ADAMTSL2: variants seen among roughly 807,000 people sequenced by gnomAD.
The protein encoded by ADAMTSL2 is ADAMTS-like protein 2.
Under a neutral mutation model 117.0 loss-of-function variants are expected in ADAMTSL2, and 55 were observed. The ratio of observed to expected loss-of-function variants is 0.47; its 90% confidence interval spans 0.38 to 0.59. The LOEUF (loss-of-function observed/expected upper bound fraction) is 0.59. Among genes scored for constraint, ADAMTSL2 ranks in the 20% least tolerant of loss-of-function variants. The pLI is 0.00. For missense variants in ADAMTSL2, 1,182 were observed against 1,354.5 expected, an observed-to-expected ratio of 0.87 and a Z score of 2.00; for synonymous variants, 572 against 566.4, an observed-to-expected ratio of 1.01 and a Z score of -0.14.
chr9:133,540,288 G>T (rs936240227), intron 5 of ADAMTSL2, among the ~76,000 whole-genome samples: 2 of 152,228 alleles, frequency 1.3e-5, no homozygotes, highest in Non-Finnish European at 1.5e-5. Context: ...CAGGGCTGGG[G>T]TGCCCAGGGC....
chr9:133,573,624 C>T (rs1019570246), intron 17 of ADAMTSL2, among the ~76,000 whole-genome samples: 9 of 152,180 alleles, frequency 5.9e-5, no homozygotes, highest in Admixed American at 6.5e-5. Flanking sequence ...CAGAGCCTCC[C>T]GAATGCCAGC....
Position 133,554,668 on chromosome 9 carries a change from G to C in ADAMTSL2, c.1251G>C (p.Gly417=), listed in dbSNP as rs1221090225. Reference sequence around the variant, plus strand: ...AGGCCGGCGGCGGGGCCTGCGAGGGGCCCCCCAGGGGCAAGGGCTTCCGAG... The same window carrying C: ...AGGCCGGCGGCGGGGCCTGCGAGGGCCCCCCCAGGGGCAAGGGCTTCCGAG... The part of the protein sequence containing the change: ...CEQAGGGACE[G]PPRGKGFRDR... Residue 417 remains glycine (G), a synonymous_variant, in exon 10 of 19, where the codon GGG becomes GGC. Coordinates refer to ENST00000651351, the MANE Select transcript of ADAMTSL2 (RefSeq NM_014694.4). This position sits in a 1 kb window ranked among gnomAD's most constrained non-coding sequence, Gnocchi z 5.2. The C allele has an allele frequency of 3.3e-6, 5 of 1,515,894 alleles. No homozygotes were observed. The highest frequency in any genetic ancestry group is 3.5e-6 in the Non-Finnish European group (4 of 1,127,438). 93.9% of individuals were successfully genotyped at this position (1,515,894 alleles called of 1,614,324 possible).
chr9:133,558,866 T>C lies in ADAMTSL2; in HGVS notation c.1650-2332T>C, dbSNP rs1027708232. 5.9e-5 allele frequency among the ~76,000 whole-genome samples: 9 copies of C among 152,238 alleles called. No homozygotes were observed. The highest frequency in any genetic ancestry group is 1.0e-4 in the Non-Finnish European group (7 of 68,040). ...GGCGTTGCATTGTTGTGCAAATATA[T>C]GCAGGGTTATGTTCAAGAGTTGCAT... On this transcript the variant is annotated intron_variant, in intron 11 of 18. Coordinates refer to ENST00000651351, the MANE Select transcript of ADAMTSL2 (RefSeq NM_014694.4). The surrounding 1 kb of genome is among the most constrained non-coding windows in gnomAD (Gnocchi z 4.3).
intron 12 of ADAMTSL2, among the ~76,000 whole-genome samples, chr9:133,564,648 G>GA (rs1830914381): frequency 4.7e-5 from 5 of 105,448 alleles, no homozygotes; most frequent in Non-Finnish European, 8.5e-5. Flanking sequence ...GAGGGAGAGA[G>GA]GGAGAGAGGG....
rs1831036327 is a variant in ADAMTSL2 at position 133,568,764 on chromosome 9, G to A, written c.2244+6G>A. On this transcript the variant is annotated splice_donor_region_variant and intron_variant, in intron 15 of 18. Transcript: ENST00000651351. ...CCGTCTCCGACTGGGGACCGGTGAG[G>A]CCTGCACTGAGGGGTGGCTGGGCGT... is the stretch of plus-strand genomic sequence containing the variant. The A allele has an allele frequency of 6.2e-7, 1 of 1,612,820 alleles. No homozygotes were observed. The highest frequency in any genetic ancestry group is 8.5e-7 in the Non-Finnish European group (1 of 1,179,986).
intron 5 of ADAMTSL2, among the ~76,000 whole-genome samples, chr9:133,540,228 T>G (rs1390894659): frequency 6.6e-6 from 1 of 152,160 alleles, no homozygotes; most frequent in African/African-American, 2.4e-5. Context: ...AGCAAGTAGC[T>G]CAGGCAACAG....
chr9:133,536,319 C>T (rs1259109984), intron 1 of ADAMTSL2, among the ~76,000 whole-genome samples: 1 of 152,224 alleles, frequency 6.6e-6, no homozygotes, highest in East Asian at 1.9e-4. Flanking sequence ...GAGCCTTTCC[C>T]CCCGCCTGGG....
At chr9:133,547,000 A>G in intron 8 of ADAMTSL2, 38 bp from the exon 9 acceptor site, 3 of 1,609,622 alleles carry the variant, frequency 1.9e-6, no homozygotes, top group South Asian at 1.1e-5. Context: ...TCCCCCAGCC[A>G]GTTTGGCCTT....
At chr9:133,542,503 G>A (rs1340744450) in intron 7 of ADAMTSL2, among the ~76,000 whole-genome samples, 1 of 152,186 alleles carries the variant, frequency 6.6e-6, no homozygotes, top group African/African-American at 2.4e-5. Flanking sequence ...CTGAGAGATA[G>A]GGCTCATGTC....
At chr9:133,540,345 G>T (rs1465259275) in intron 5 of ADAMTSL2, among the ~76,000 whole-genome samples, 1 of 152,224 alleles carries the variant, frequency 6.6e-6, no homozygotes, top group Non-Finnish European at 1.5e-5. Context: ...TGCAGAGGGG[G>T]AACCCCAGTA....
At chr9:133,542,784 A>T (rs1830256593) in intron 7 of ADAMTSL2, among the ~76,000 whole-genome samples, 1 of 152,182 alleles carries the variant, frequency 6.6e-6, no homozygotes, top group South Asian at 2.1e-4. Flanking sequence ...TCCCCGGACG[A>T]ACTGTGCTTG....
At chr9:133,544,676 C>A in intron 8 of ADAMTSL2, 126 bp downstream of exon 8, 1 of 877,772 alleles carries the variant, frequency 1.1e-6, no homozygotes, top group Non-Finnish European at 1.9e-6. Flanking sequence ...GTGCTGTGGG[C>A]ATGGCTGCAG....
chr9:133,539,489 A>G (rs1830142735), intron 4 of ADAMTSL2, among the ~76,000 whole-genome samples: 1 of 152,208 alleles, frequency 6.6e-6, no homozygotes, highest in Non-Finnish European at 1.5e-5. Context: ...CTCCACCGCA[A>G]GGCTGGGAGA....
rs1038828769 is a variant in ADAMTSL2, at chr9:133,568,238, G to C, written c.1875-35G>C. The C allele has an allele frequency of 7.8e-5, 121 of 1,543,174 alleles. 1 individual carries two copies. Among genetic ancestry groups the C allele is most frequent in the South Asian group, 5.0e-4 (42 of 84,252 alleles). ...TTGCATGGGGTCCCGGCTGCCATGG[G>C]GGGGATCATTGAAGGCCATCCGCTC... On this transcript the variant is annotated intron_variant, in intron 13 of 18. Transcript: ENST00000651351.
Position 133,573,200 on chromosome 9 carries a change from G to GA in ADAMTSL2, c.2593-643_2593-642insA, listed in dbSNP as rs1831151782. 2.0e-5 allele frequency among the ~76,000 whole-genome samples: 3 copies of GA among 152,328 alleles called. No homozygotes were observed. In the South Asian group the frequency reaches 6.2e-4, roughly 32 times the overall value. ...TGATGTGGGGTCACCCACATTGGGGGGAGTGTGAGGGAGCCACCGCCTGTG... is the reference window on the plus strand; with the variant it reads ...TGATGTGGGGTCACCCACATTGGGGGAGAGTGTGAGGGAGCCACCGCCTGTG... On this transcript the variant is annotated intron_variant, in intron 17 of 18. Coordinates refer to ENST00000651351, the MANE Select transcript of ADAMTSL2 (RefSeq NM_014694.4).
At chr9:133,560,097 T>A (rs1830692199) in intron 11 of ADAMTSL2, among the ~76,000 whole-genome samples, 1 of 152,204 alleles carries the variant, frequency 6.6e-6, no homozygotes, top group Non-Finnish European at 1.5e-5. Flanking sequence ...ACGGAGTCAA[T>A]CTGAAAGCCT....
At position 133,555,805 on chromosome 9, in the gene ADAMTSL2, C is replaced by A; in HGVS notation, c.1524C>A (p.Tyr508Ter). Residue 508 changes from tyrosine (Y) to a stop codon, truncating the protein, a stop_gained, in exon 11 of 19, where the codon TAC (tyrosine) becomes TAA (stop). Transcript: ENST00000651351. LOFTEE classifies it high-confidence loss of function. ...AGGAGAACGAGGGGGCTGGCCCTTA[C>A]CTGCTCAACGGGTCCTACCTGGAGC... ...DYEENEGAGPYLLNGSYLELS... is the reference protein window; with the variant it reads ...DYEENEGAGP 6.2e-7 allele frequency: 1 copy of A among 1,613,914 alleles called. No homozygotes were observed. Among genetic ancestry groups the A allele is most frequent in the Non-Finnish European group, 8.5e-7 (1 of 1,180,040 alleles).
intron 12 of ADAMTSL2, among the ~76,000 whole-genome samples, chr9:133,562,133 A>G (rs1231399154): frequency 6.6e-6 from 1 of 152,248 alleles, no homozygotes; most frequent in African/African-American, 2.4e-5. Context: ...CCCATTTGCC[A>G]GGGCATTTGA....
At chr9:133,537,626 G>C in intron 3 of ADAMTSL2, 79 bp downstream of exon 3, 1 of 1,281,570 alleles carries the variant, frequency 7.8e-7, no homozygotes, top group Non-Finnish European at 9.9e-7. Flanking sequence ...TGGCTCTTCA[G>C]CCTGGTGGCT....
Sources: gnomAD v4.1 joint callset for allele counts (sites outside exome capture counted in the v4.1 genomes callset) on GRCh38, gnomAD v4.1.1 for gene constraint, Gnocchi (gnomAD v3.1) non-coding constraint, MANE v1.5 for transcripts, NCBI Gene and HGNC (gene_info 2026-07-23, HGNC 2026-07-21) for gene names.